The following SCNN1B variants were observed in gnomAD, a reference collection of about 807,000 sequenced individuals.
SCNN1B encodes sodium channel epithelial 1 subunit beta.
SCNN1B carries 46 observed loss-of-function variants against 65.3 expected under a neutral mutation model. The ratio of observed to expected loss-of-function variants is 0.70; its 90% CI spans 0.56 to 0.90. SCNN1B has a LOEUF of 0.90. SCNN1B is among the 40% of genes least tolerant of loss of function. The pLI, the probability that SCNN1B is intolerant of heterozygous loss-of-function variation, is 0.00. For missense variants in SCNN1B, 751 were observed against 830.5 expected (o/e 0.90, Z 1.18); for synonymous variants, 349 against 330.6 (o/e 1.06, Z -0.60).
At chr16:23,353,252 C>T (rs2142020653) in intron 3 of SCNN1B, 178 bp downstream of exon 3, 2 of 696,730 alleles carry the variant, frequency 2.9e-6, no homozygotes, top group South Asian at 1.8e-5. Flanking sequence ...TTAGTCAAGA[C>T]TCCTTTGGTA....
intron 1 of SCNN1B, among the ~76,000 whole-genome samples, chr16:23,325,822 G>A (rs1326031940): frequency 6.6e-6 from 1 of 151,800 alleles, no homozygotes; most frequent in Non-Finnish European, 1.5e-5. Context: ...AGAGGTCGAG[G>A]CGGAAGGATT....
upstream of SCNN1B, among the ~76,000 whole-genome samples, chr16:23,300,560 G>T (rs1299109695): frequency 6.6e-6 from 1 of 152,030 alleles, no homozygotes; most frequent in East Asian, 1.9e-4. Context: ...TTTCAGCCAG[G>T]CATGATGGCT....
In SCNN1B at chr16:23,380,450, C is replaced by T; in HGVS notation, c.1572C>T (p.Gly524=). 2.5e-6 allele frequency: 4 copies of T among 1,614,212 alleles called. No homozygotes were observed. Residue 524 remains glycine, a synonymous_variant, in exon 13 of 13, where the codon GGC becomes GGT. Transcript: ENST00000343070. The surrounding 1 kb of genome is among the most constrained non-coding windows in gnomAD (Gnocchi z 5.4). ...TCTGGCTGCTCTCGAATCTGGGTGG[C>T]CAGTTTGGCTTCTGGATGGGGGGCT... ...NIVWLLSNLG[G]QFGFWMGGSV... is the part of the protein sequence containing the mutation.
intron 1 of SCNN1B, among the ~76,000 whole-genome samples, chr16:23,317,426 G>C: frequency 6.6e-6 from 1 of 152,206 alleles, no homozygotes; most frequent in African/African-American, 2.4e-5. Context: ...CTGGAGAGCA[G>C]TGTGGGGACA....
intron 1 of SCNN1B, among the ~76,000 whole-genome samples, chr16:23,312,128 A>G (rs1961357897): frequency 6.6e-6 from 1 of 151,904 alleles, no homozygotes; most frequent in African/African-American, 2.4e-5. Flanking sequence ...TCCTTAAAAC[A>G]TTTTCTTTCC....
rs1208094640 is a variant in SCNN1B at position 23,380,261 on chromosome 16, A to G, written c.1542+92A>G. On this transcript the variant is annotated intron_variant, in intron 12 of 12. Transcript: ENST00000343070. This position sits in a 1 kb window ranked among gnomAD's most constrained non-coding sequence, Gnocchi z 5.4. ...GGAAGGGTTCTGAGCCCTATGAAGGAATTAGGAAGATCCCTAAGACAGTCC... is the reference window on the plus strand; with the variant it reads ...GGAAGGGTTCTGAGCCCTATGAAGGGATTAGGAAGATCCCTAAGACAGTCC... The G allele has an allele frequency of 6.7e-7, 1 of 1,491,974 alleles. No individual in the cohort carries two copies. Among genetic ancestry groups the G allele is most frequent in the Non-Finnish European group, 9.3e-7 (1 of 1,070,012 alleles). 92.4% of individuals were successfully genotyped at this position (1,491,974 alleles called of 1,614,324 possible).
chr16:23,350,602 G>C (rs1250363790), intron 2 of SCNN1B, among the ~76,000 whole-genome samples: 1 of 152,150 alleles, frequency 6.6e-6, no homozygotes, highest in Non-Finnish European at 1.5e-5. Context: ...CTGAGTCACA[G>C]AAAACATTTT....
intron 1 of SCNN1B, among the ~76,000 whole-genome samples, chr16:23,322,521 G>T (rs914923593): frequency 6.6e-6 from 1 of 151,892 alleles, no homozygotes; most frequent in African/African-American, 2.4e-5. Flanking sequence ...ATGTTGCCCA[G>T]ACTAATCTTG....
At chr16:23,371,189 G>A (rs1962774571) in intron 5 of SCNN1B, 110 bp from the exon 6 acceptor site, 1 of 1,239,080 alleles carries the variant, frequency 8.1e-7, no homozygotes, top group East Asian at 2.5e-5. Context: ...AGCCTCCTTG[G>A]CGGTCCCTGG....
At chr16:23,372,991 C>T (rs1008173370) in intron 7 of SCNN1B, among the ~76,000 whole-genome samples, 2 of 152,054 alleles carry the variant, frequency 1.3e-5, no homozygotes, top group South Asian at 4.2e-4. Context: ...CCTGTAGTCC[C>T]AGCTGTGCAG....
intron 1 of SCNN1B, among the ~76,000 whole-genome samples, chr16:23,344,869 C>G (rs1384514183): frequency 3.3e-5 from 5 of 152,174 alleles, no homozygotes; most frequent in Non-Finnish European, 7.4e-5. Context: ...TGGCATGCGC[C>G]TGTAGTCCCA....
chr16:23,372,879 C>A (rs953419161), intron 7 of SCNN1B, among the ~76,000 whole-genome samples: 1 of 149,736 alleles, frequency 6.7e-6, no homozygotes, highest in Admixed American at 6.7e-5. Flanking sequence ...GCGGGTACAT[C>A]ACTTGAGGTC....
chr16:23,352,007 C>A (rs1321477179), intron 2 of SCNN1B, among the ~76,000 whole-genome samples: 1 of 152,208 alleles, frequency 6.6e-6, no homozygotes, highest in African/African-American at 2.4e-5. Context: ...GCCTCAGTTT[C>A]CTGAGCTATA....
At chr16:23,333,190 GAAGGAAGGAAGGAAGGAAGGAAGA>G (rs879341072) in intron 1 of SCNN1B, among the ~76,000 whole-genome samples, 6,810 of 132,368 alleles carry the variant, frequency 0.051, 452 homozygotes, top group African/African-American at 0.12. Context: ...AGGAAGGAAG[GAAGGAAGGAAGGAAGGAAGGAAGA>G]AAGAAAAAAG....
intron 1 of SCNN1B, among the ~76,000 whole-genome samples, chr16:23,322,339 C>T (rs1961606280): frequency 6.6e-6 from 1 of 152,140 alleles, no homozygotes; most frequent in Admixed American, 6.5e-5. Flanking sequence ...CTCACTCTAT[C>T]ACCTAGGCTA....
chr16:23,325,887 T>TAATAAATAAATAAATA lies in SCNN1B; in HGVS notation c.-8-22684_-8-22669dup, dbSNP rs1555485521. ...GGGCAACATAGTGAGACCCTGTCTC[T>TAATAAATAAATAAATA]AATAAATAAATAAATAAATAAATAA... On this transcript the variant is annotated intron_variant, in intron 1 of 12. Coordinates refer to ENST00000343070, the MANE Select transcript of SCNN1B (RefSeq NM_000336.3). 6.4e-5 allele frequency among the ~76,000 whole-genome samples: 8 copies of TAATAAATAAATAAATA among 124,262 alleles called. No homozygotes were observed. In the East Asian group the frequency reaches 8.9e-4, roughly 14 times the overall value. The allele number at this position is 124,262 out of a possible 152,430, so 81.5% of individuals were successfully genotyped here.
At chr16:23,369,811 C>T (rs1962745995) in intron 5 of SCNN1B, among the ~76,000 whole-genome samples, 6 of 152,268 alleles carry the variant, frequency 3.9e-5, no homozygotes, top group Admixed American at 1.3e-4. Context: ...AGCACTTCCT[C>T]ACTGGAAGAC....
In SCNN1B at chr16:23,348,721, T is replaced by G; in HGVS notation, c.122T>G (p.Ile41Ser). The G allele has an allele frequency of 6.2e-7, 1 of 1,614,130 alleles. No individual in the cohort carries two copies. Among genetic ancestry groups the G allele is most frequent in the Non-Finnish European group, 8.5e-7 (1 of 1,180,020 alleles). The change falls in exon 2 of 13, where the codon ATC becomes AGC. Residue 41 changes from isoleucine to serine, a missense_variant. By Grantham distance (142) the Ile-to-Ser change is moderately radical. Coordinates refer to ENST00000343070, the MANE Select transcript of SCNN1B (RefSeq NM_000336.3). The surrounding 1 kb of genome is among the most constrained non-coding windows in gnomAD (Gnocchi z 4.5). ...ACCAACACCCACGGCCCCAAGCGCA[T>G]CATCTGTGAGGGGCCCAAGAAGAAA... ...DNTNTHGPKR[I>S]ICEGPKKKAM...
At chr16:23,340,822 T>C (rs748876908) in intron 1 of SCNN1B, among the ~76,000 whole-genome samples, 6 of 152,246 alleles carry the variant, frequency 3.9e-5, no homozygotes, top group Admixed American at 6.5e-5. Flanking sequence ...CAACTTACAG[T>C]AAGTGTTGAT....
Sources: gnomAD v4.1 joint callset for allele counts (sites outside exome capture counted in the v4.1 genomes callset) on GRCh38, gnomAD v4.1.1 for gene constraint, Gnocchi (gnomAD v3.1) non-coding constraint, MANE v1.5 for transcripts, NCBI Gene and HGNC (gene_info 2026-07-23, HGNC 2026-07-21) for gene names.